ANKS1B: variants seen among roughly 807,000 people sequenced by gnomAD.
ANKS1B encodes the protein ankyrin repeat and sterile alpha motif domain-containing protein 1B.
Under a neutral mutation model 148.3 loss-of-function variants are expected in ANKS1B, and 36 were observed. That is an observed-to-expected ratio of 0.24 (90% CI 0.19 to 0.32). The LOEUF (loss-of-function observed/expected upper bound fraction) is 0.32. ANKS1B is among the 10% of genes least tolerant of loss of function. ANKS1B has a pLI of 1.00. For synonymous variants in ANKS1B, 542 were observed against 560.8 expected (o/e 0.97, Z 0.47); for missense variants, 1,157 against 1,542.6 (o/e 0.75, Z 4.19).
intron 8 of ANKS1B, among the ~76,000 whole-genome samples, chr12:99,726,945 C>A (rs1444060400): frequency 6.6e-6 from 1 of 152,108 alleles, no homozygotes; most frequent in Non-Finnish European, 1.5e-5. Context: ...AACATGTCTT[C>A]ATATTAAAAA....
At chr12:98,915,972 G>A (rs10860381) in intron 17 of ANKS1B, among the ~76,000 whole-genome samples, 1,925 of 152,140 alleles carry the variant, frequency 0.013, 19 homozygotes, top group Non-Finnish European at 0.02. Flanking sequence ...GGGGATCTCC[G>A]GAGCCCCTTC....
chr12:99,873,474 C>T (rs1299423919), intron 1 of ANKS1B, among the ~76,000 whole-genome samples: 1 of 152,124 alleles, frequency 6.6e-6, no homozygotes, highest in African/African-American at 2.4e-5. Flanking sequence ...CTACCTATCC[C>T]TTTGTTTACT....
intron 15 of ANKS1B, among the ~76,000 whole-genome samples, chr12:99,138,840 G>A (rs2069047286): frequency 6.6e-6 from 1 of 152,062 alleles, no homozygotes; most frequent in Non-Finnish European, 1.5e-5. Flanking sequence ...TTCCTCCAGA[G>A]ATTTCACCAT....
intron 8 of ANKS1B, among the ~76,000 whole-genome samples, chr12:99,684,877 T>A (rs1372354488): frequency 6.6e-6 from 1 of 152,068 alleles, no homozygotes; most frequent in East Asian, 1.9e-4. Context: ...AAGCCACATG[T>A]AGAAGAATGA....
At position 99,686,460 on chromosome 12, in the gene ANKS1B, G is replaced by A. The variant is rs1599680158; in HGVS notation, c.1129-31250C>T. Among the ~76,000 whole-genome samples the A allele has an allele frequency of 2.6e-5, 4 of 152,262 alleles. No homozygotes were observed. The South Asian group carries it at 8.3e-4, about 32-fold the overall frequency. On this transcript the variant is annotated intron_variant, in intron 8 of 26. Coordinates refer to ENST00000683438, the MANE Select transcript of ANKS1B (RefSeq NM_001352186.2). ...CCAATAAAAGCTCACTGCTCATGCT[G>A]CTGGGCAGAGCTCTCTGAACCTCTT...
chr12:99,952,207 A>G (rs185547274), intron 1 of ANKS1B, among the ~76,000 whole-genome samples: 1 of 152,272 alleles, frequency 6.6e-6, no homozygotes, highest in Admixed American at 6.5e-5. Flanking sequence ...AAAGGCTTGG[A>G]TACATGAATT....
chr12:98,738,736 G>A (rs2097784916), intron 9 of ANKS1B, among the ~76,000 whole-genome samples: 2 of 152,192 alleles, frequency 1.3e-5, no homozygotes, highest in South Asian at 4.1e-4. Context: ...GAATACTCCT[G>A]GGTTCAGTGG....
intron 10 of ANKS1B, among the ~76,000 whole-genome samples, chr12:99,497,226 A>G (rs1338171551): frequency 6.6e-6 from 1 of 152,224 alleles, no homozygotes; most frequent in Non-Finnish European, 1.5e-5. Context: ...ACTGCTACAT[A>G]AATAGTTGTT....
At chr12:99,942,222 A>C (rs911910358) in intron 1 of ANKS1B, among the ~76,000 whole-genome samples, 8 of 152,160 alleles carry the variant, frequency 5.3e-5, no homozygotes, top group Non-Finnish European at 1.2e-4. Context: ...TCAGAGGCAA[A>C]AGGATCATCA....
At chr12:98,911,484 G>A (rs1372678306) in intron 17 of ANKS1B, among the ~76,000 whole-genome samples, 1 of 152,168 alleles carries the variant, frequency 6.6e-6, no homozygotes, top group Non-Finnish European at 1.5e-5. Context: ...GGGAGAGCAG[G>A]AGCATGAGTT....
intron 14 of ANKS1B, among the ~76,000 whole-genome samples, chr12:99,172,240 A>C (rs1355121804): frequency 6.6e-6 from 1 of 152,168 alleles, no homozygotes; most frequent in East Asian, 1.9e-4. Context: ...GAGGCAGGAT[A>C]AGTAGGAAAC....
At chr12:99,931,998 C>T (rs910434699) in intron 1 of ANKS1B, among the ~76,000 whole-genome samples, 1 of 152,118 alleles carries the variant, frequency 6.6e-6, no homozygotes, top group Non-Finnish European at 1.5e-5. Flanking sequence ...TTTTTAGCTT[C>T]AGCAAATGAG....
At chr12:99,225,849 A>G (rs2712656) in intron 14 of ANKS1B, among the ~76,000 whole-genome samples, 128,513 of 152,200 alleles carry the variant, frequency 0.84, 54,849 homozygotes, top group East Asian at 0.99. Context: ...GCTTGCAGAC[A>G]GCATATTGTG....
rs1221123784 is a variant in ANKS1B at position 98,975,648 on chromosome 12, G to GT, written c.2778+77508dup. On this transcript the variant is annotated intron_variant, in intron 17 of 26. Coordinates refer to ENST00000683438, the MANE Select transcript of ANKS1B (RefSeq NM_001352186.2). ...AAGTCACAGGGAGCATTTTTGTTTGGTTTTTTTTTGTTGTTTTATATAGAA... is the reference window on the plus strand; with the variant it reads ...AAGTCACAGGGAGCATTTTTGTTTGGTTTTTTTTTTGTTGTTTTATATAGAA... 3.1e-3 allele frequency among the ~76,000 whole-genome samples: 464 copies of GT among 151,420 alleles called. 6 individuals carry two copies. The highest frequency in any genetic ancestry group is 4.2e-3 in the African/African-American group (172 of 41,272).
chr12:99,161,596 C>T (rs2076665317), intron 14 of ANKS1B, among the ~76,000 whole-genome samples: 1 of 152,056 alleles, frequency 6.6e-6, no homozygotes, highest in African/African-American at 2.4e-5. Flanking sequence ...CAAAAAGTGG[C>T]TAATAGCTAC....
chr12:99,114,670 T>C (rs1183770859), intron 15 of ANKS1B, among the ~76,000 whole-genome samples: 1 of 152,010 alleles, frequency 6.6e-6, no homozygotes, highest in African/African-American at 2.4e-5. Flanking sequence ...AAGAATTGCT[T>C]GAACCTGGGA....
At chr12:99,250,617 C>T (rs1287766758) in intron 12 of ANKS1B, among the ~76,000 whole-genome samples, 1 of 152,104 alleles carries the variant, frequency 6.6e-6, no homozygotes, top group African/African-American at 2.4e-5. Flanking sequence ...CTGAGGTTTT[C>T]CCAGGCCAGA....
intron 9 of ANKS1B, among the ~76,000 whole-genome samples, chr12:99,586,680 T>C (rs4536315): frequency 0.015 from 2,301 of 152,248 alleles, 71 homozygotes; most frequent in East Asian, 0.11. Flanking sequence ...CTGGGTAACT[T>C]ACAAAGGAAA....
intron 10 of ANKS1B, among the ~76,000 whole-genome samples, chr12:99,492,278 A>G (rs2096562967): frequency 1.3e-5 from 2 of 152,332 alleles, no homozygotes; most frequent in South Asian, 2.1e-4. Flanking sequence ...GAACATCTCT[A>G]TGCACATAAA....
Sources: gnomAD v4.1 joint callset for allele counts (sites outside exome capture counted in the v4.1 genomes callset) on GRCh38, gnomAD v4.1.1 for gene constraint, MANE v1.5 for transcripts, NCBI Gene and HGNC (gene_info 2026-07-23, HGNC 2026-07-21) for gene names.